The following DIAPH2 variants were observed in gnomAD, a reference collection of about 807,000 sequenced individuals.
The protein encoded by DIAPH2 is diaphanous related formin 2.
Under a neutral mutation model 92.7 loss-of-function variants are expected in DIAPH2, and 35 were observed. The observed-to-expected ratio is 0.38, with a 90% confidence interval of 0.29 to 0.50. The LOEUF is 0.50. Ranked by LOEUF, DIAPH2 falls within the 20% of genes least tolerant of loss-of-function variation. The probability of loss-of-function intolerance (pLI) is 0.94; values close to 1 mark genes in which losing one functional copy is unlikely to be tolerated. For synonymous variants in DIAPH2, 301 were observed against 280.4 expected, an observed-to-expected ratio of 1.07 and a Z score of -0.73; for missense variants, 701 against 819.5, an observed-to-expected ratio of 0.86 and a Z score of 1.77.
chrX:97,071,105 G>A (rs563595873), intron 17 of DIAPH2, among the ~76,000 whole-genome samples: 3 of 111,320 alleles, frequency 2.7e-5, no homozygotes, highest in African/African-American at 6.5e-5. Context: ...GTTCAAATTA[G>A]TGAATGATTC....
intron 24 of DIAPH2, among the ~76,000 whole-genome samples, chrX:97,365,694 A>G (rs745769942): frequency 1.2e-5 from 1 of 82,637 alleles, no homozygotes; most frequent in Non-Finnish European, 2.4e-5. Flanking sequence ...TTTTTTTTTC[A>G]TTTTTTTTTT....
intron 26 of DIAPH2, among the ~76,000 whole-genome samples, chrX:97,518,215 T>C (rs1036754333): frequency 8.9e-6 from 1 of 111,957 alleles, no homozygotes; most frequent in African/African-American, 3.3e-5. Flanking sequence ...TTTATTTTGT[T>C]CTGTTCTTTC....
At chrX:96,906,298 G>A (rs185796059) in intron 5 of DIAPH2, among the ~76,000 whole-genome samples, 3 of 111,978 alleles carry the variant, frequency 2.7e-5, no homozygotes, top group African/African-American at 9.7e-5. Flanking sequence ...AGTAAGTTTA[G>A]TATAATTTTA....
intron 4 of DIAPH2, among the ~76,000 whole-genome samples, chrX:96,796,471 C>T (rs2064540541): frequency 2.7e-5 from 3 of 112,207 alleles, no homozygotes; most frequent in Admixed American, 1.9e-4. Flanking sequence ...TGAGCCACCA[C>T]GCTGGCCTCT....
intron 17 of DIAPH2, among the ~76,000 whole-genome samples, chrX:97,068,843 G>A (rs2066650179): frequency 8.9e-6 from 1 of 112,051 alleles, no homozygotes; most frequent in African/African-American, 3.2e-5. Flanking sequence ...AAATATGTAT[G>A]CGTGAAGTTA....
chrX:97,058,469 T>A lies in DIAPH2; in HGVS notation c.2051-14472T>A, dbSNP rs199982015. The stretch of plus-strand genomic sequence containing the variant: ...GCCTATTTTCTTCTGGTCTTTTTTT[T>A]TTTTTTTTTAAGTATTTAGACTATG... On this transcript the variant is annotated intron_variant, in intron 17 of 26. Transcript: ENST00000324765. Among the ~76,000 whole-genome samples the A allele has an allele frequency of 7.0e-4, 77 of 109,596 alleles. No homozygotes were observed. The East Asian group carries it at 0.021, about 30-fold the overall frequency.
chrX:97,054,354 G>A (rs1050459680), intron 17 of DIAPH2, among the ~76,000 whole-genome samples: 3 of 111,686 alleles, frequency 2.7e-5, no homozygotes, highest in East Asian at 5.7e-4. Context: ...GTGATATAAC[G>A]ATGATCAAGA....
At chrX:97,268,833 G>T (rs1177005891) in intron 23 of DIAPH2, among the ~76,000 whole-genome samples, 3 of 102,410 alleles carry the variant, frequency 2.9e-5, no homozygotes, top group African/African-American at 7.1e-5. Context: ...TTCAGGCACT[G>T]TTCTTTTTTT....
At position 97,289,828 on chromosome X, in the gene DIAPH2, G is replaced by A. The variant is rs188311440; in HGVS notation, c.2844+41989G>A. Among the ~76,000 whole-genome samples, 632 of 109,514 alleles carry A rather than the reference G, an allele frequency of 5.8e-3. 2 individuals carry two copies. Among genetic ancestry groups the A allele is most frequent in the African/African-American group, 0.02 (594 of 30,147 alleles). On this transcript the variant is annotated intron_variant, in intron 23 of 26. Coordinates refer to ENST00000324765, the MANE Select transcript of DIAPH2 (RefSeq NM_006729.5). ...TAACCTCTGCCTCCTGGGTTCAAGC[G>A]ATTCTCCTGCCTCAGCCTCCCGAGT...
chrX:96,863,339 ACT>A (rs1158065191), intron 4 of DIAPH2, among the ~76,000 whole-genome samples: 2 of 88,118 alleles, frequency 2.3e-5, no homozygotes, highest in Non-Finnish European at 4.5e-5. Context: ...TTTCATTATC[ACT>A]CTTTTTTCAT....
chrX:97,122,833 G>A (rs749978206), intron 21 of DIAPH2, among the ~76,000 whole-genome samples: 19 of 111,202 alleles, frequency 1.7e-4, no homozygotes, highest in South Asian at 3.8e-4. Context: ...AGCTATTTGT[G>A]GGAAAGAGTT....
chrX:96,908,579 T>A (rs2065448120), intron 5 of DIAPH2, among the ~76,000 whole-genome samples: 1 of 111,230 alleles, frequency 9.0e-6, no homozygotes, highest in Non-Finnish European at 1.9e-5. Flanking sequence ...TATATCTGTT[T>A]CAACTGGATT....
chrX:97,004,185 C>T (rs183287684), intron 17 of DIAPH2, among the ~76,000 whole-genome samples: 132 of 111,513 alleles, frequency 1.2e-3, no homozygotes, highest in African/African-American at 4.1e-3. Context: ...GTTTTGGTTA[C>T]TATAGATCTG....
rs149308404 is a variant in DIAPH2 at position 96,858,864 on chromosome X, C to T, written c.448-22715C>T. ...ACAGCTGAAATGTGACAGATATGTC[C>T]GCTTCTCTCTGCTTCTTTTAACTGA... On this transcript the variant is annotated intron_variant, in intron 4 of 26. Transcript: ENST00000324765. Among the ~76,000 whole-genome samples, 272 of 111,669 alleles carry T rather than the reference C, an allele frequency of 2.4e-3. 1 individual carries two copies. Among genetic ancestry groups the T allele is most frequent in the East Asian group, 3.1e-3 (11 of 3,517 alleles).
chrX:96,997,786 G>T (rs915342996), intron 17 of DIAPH2, among the ~76,000 whole-genome samples: 1 of 111,530 alleles, frequency 9.0e-6, no homozygotes, highest in Non-Finnish European at 1.9e-5. Flanking sequence ...AATCTTCAAT[G>T]TCTTGTGTAC....
intron 22 of DIAPH2, among the ~76,000 whole-genome samples, chrX:97,147,837 G>C (rs1980503264): frequency 9.0e-6 from 1 of 111,362 alleles, no homozygotes. Context: ...TGTCATGTTA[G>C]TTACCGATTA....
chrX:96,944,414 T>C (rs1269392553), intron 13 of DIAPH2, among the ~76,000 whole-genome samples: 2 of 111,717 alleles, frequency 1.8e-5, no homozygotes, highest in Admixed American at 9.5e-5. Context: ...TACAATTTGA[T>C]AAATTTTGCT....
chrX:97,315,576 A>G (rs2068833480), intron 23 of DIAPH2, among the ~76,000 whole-genome samples: 1 of 111,080 alleles, frequency 9.0e-6, no homozygotes, highest in East Asian at 2.8e-4. Flanking sequence ...TGTTTTATAA[A>G]TTGGGTTTTT....
chrX:97,310,242 T>G (rs771622537), intron 23 of DIAPH2, among the ~76,000 whole-genome samples: 1 of 112,257 alleles, frequency 8.9e-6, no homozygotes, highest in African/African-American at 3.2e-5. Flanking sequence ...CAGCAAAAAT[T>G]TATTAAGTGC....
Sources: gnomAD v4.1 joint callset for allele counts (sites outside exome capture counted in the v4.1 genomes callset) on GRCh38, gnomAD v4.1.1 for gene constraint, MANE v1.5 for transcripts, NCBI Gene and HGNC (gene_info 2026-07-23, HGNC 2026-07-21) for gene names.